CDK5RAP2: variants seen among roughly 807,000 people sequenced by gnomAD.
CDK5RAP2 encodes the protein CDK5 regulatory subunit associated protein 2.
CDK5RAP2 carries 147 observed loss-of-function variants against 232.9 expected under a neutral mutation model. The ratio of observed to expected loss-of-function variants is 0.63; its 90% CI spans 0.55 to 0.72. CDK5RAP2 has a LOEUF of 0.72. Among genes scored for constraint, CDK5RAP2 ranks in the 30% least tolerant of loss-of-function variants. CDK5RAP2 has a pLI of 0.00. For synonymous variants in CDK5RAP2, 833 were observed against 833.7 expected, an observed-to-expected ratio of 1.00 and a Z score of 0.01; for missense variants, 2,195 against 2,231.5, an observed-to-expected ratio of 0.98 and a Z score of 0.33.
At chr9:120,419,488 T>C (rs570828671) in intron 27 of CDK5RAP2, among the ~76,000 whole-genome samples, 1 of 152,302 alleles carries the variant, frequency 6.6e-6, no homozygotes, top group East Asian at 1.9e-4. Context: ...AATAGGAAAT[T>C]AACCAAATCT....
intron 3 of CDK5RAP2, among the ~76,000 whole-genome samples, chr9:120,561,945 A>G (rs886288416): frequency 1.3e-5 from 2 of 152,176 alleles, no homozygotes; most frequent in Admixed American, 1.3e-4. Context: ...CCAGGCTTGA[A>G]TTTTGCCTTC....
chr9:120,551,176 T>G (rs969898463), intron 3 of CDK5RAP2, among the ~76,000 whole-genome samples: 3 of 151,926 alleles, frequency 2.0e-5, no homozygotes, highest in African/African-American at 4.8e-5. Context: ...ACACTGATAA[T>G]AAGAAGAAAA....
chr9:120,525,492 G>A (rs946622469), intron 10 of CDK5RAP2, among the ~76,000 whole-genome samples: 2 of 152,020 alleles, frequency 1.3e-5, no homozygotes, highest in South Asian at 2.1e-4. Context: ...AGTTGGCCAT[G>A]AACAACCATG....
At chr9:120,411,312 G>A (rs763006589) in intron 29 of CDK5RAP2, 46 bp downstream of exon 29, 1 of 1,146,538 alleles carries the variant, frequency 8.7e-7, no homozygotes, top group Admixed American at 1.7e-5. Context: ...CCATGACACA[G>A]AAGGCTTTGG....
chr9:120,470,026 T>A, intron 17 of CDK5RAP2, 85 bp downstream of exon 17: 1 of 732,722 alleles, frequency 1.4e-6, no homozygotes, highest in Non-Finnish European at 2.4e-6. Context: ...GCCTTCAGAA[T>A]CTTAACCTCT....
At chr9:120,448,354 T>C (rs2036307724) in intron 21 of CDK5RAP2, among the ~76,000 whole-genome samples, 1 of 152,226 alleles carries the variant, frequency 6.6e-6, no homozygotes, top group Non-Finnish European at 1.5e-5. Context: ...CTCCTGGCCC[T>C]GGCCTATCGT....
In CDK5RAP2 at chr9:120,452,238, GTC is replaced by G. The variant is rs373806149; in HGVS notation, c.2793+1216_2793+1217del. Among the ~76,000 whole-genome samples, 1,134 of 141,922 alleles carry G rather than the reference GTC, an allele frequency of 8.0e-3. 1 individual carries two copies. Among genetic ancestry groups the G allele is most frequent in the Middle Eastern group, 0.011 (3 of 264 alleles). The allele number at this position is 141,922 out of a possible 152,430, so 93.1% of individuals were successfully genotyped here. A position where few individuals can be genotyped will look rare whatever the true frequency, so the allele number is the denominator to read the frequency against. ...TTCTAGTACCGTTAATATAATGGCAGTCTCTCTCTCTCTCTCTCTCTCTCTCT... is the reference window on the plus strand; with the variant it reads ...TTCTAGTACCGTTAATATAATGGCAGTCTCTCTCTCTCTCTCTCTCTCTCT... On this transcript the variant is annotated intron_variant, in intron 21 of 37. Transcript: ENST00000349780.
chr9:120,535,418 A>T (rs1028720251), intron 7 of CDK5RAP2, among the ~76,000 whole-genome samples: 1 of 152,260 alleles, frequency 6.6e-6, no homozygotes, highest in Non-Finnish European at 1.5e-5. Flanking sequence ...CCAAGCACCT[A>T]AACAACACAG....
chr9:120,392,978 T>C (rs1441161592), intron 36 of CDK5RAP2, among the ~76,000 whole-genome samples: 1 of 152,164 alleles, frequency 6.6e-6, no homozygotes, highest in African/African-American at 2.4e-5. Context: ...ACAAGGCTCC[T>C]TGCAACCTGG....
At chr9:120,420,035 T>G (rs1282629275) in intron 26 of CDK5RAP2, 75 bp from the exon 27 acceptor site, 2 of 1,174,686 alleles carry the variant, frequency 1.7e-6, no homozygotes, top group South Asian at 1.2e-5. Flanking sequence ...TTACGAATAC[T>G]TACGATTACT....
intron 12 of CDK5RAP2, among the ~76,000 whole-genome samples, chr9:120,497,421 T>TAAA (rs71385064): frequency 0.038 from 876 of 23,068 alleles, 52 homozygotes; most frequent in Middle Eastern, 0.062. Flanking sequence ...AAAATAAATT[T>TAAA]AAAAAAAAAA....
At chr9:120,392,732 C>T (rs909802734) in intron 36 of CDK5RAP2, among the ~76,000 whole-genome samples, 7 of 152,314 alleles carry the variant, frequency 4.6e-5, no homozygotes, top group South Asian at 2.1e-4. Flanking sequence ...ACGAGTGACA[C>T]GAAACCCTCA....
At chr9:120,414,117 T>C (rs895822818) in intron 28 of CDK5RAP2, among the ~76,000 whole-genome samples, 6 of 152,094 alleles carry the variant, frequency 3.9e-5, no homozygotes, top group Non-Finnish European at 7.3e-5. Flanking sequence ...AATAGTAAAA[T>C]AAAATTGATA....
At chr9:120,476,536 G>A (rs1218281794) in intron 15 of CDK5RAP2, among the ~76,000 whole-genome samples, 14 of 151,940 alleles carry the variant, frequency 9.2e-5, no homozygotes, top group African/African-American at 2.9e-4. Context: ...AAAATTAGCC[G>A]GGCGTGGTGG....
At chr9:120,483,332 C>G (rs1364150167) in intron 14 of CDK5RAP2, among the ~76,000 whole-genome samples, 1 of 152,246 alleles carries the variant, frequency 6.6e-6, no homozygotes, top group African/African-American at 2.4e-5. Context: ...TAAACTAGTA[C>G]AGTTCTCTCC....
intron 14 of CDK5RAP2, among the ~76,000 whole-genome samples, chr9:120,480,578 A>G (rs1564278787): frequency 3.9e-5 from 6 of 152,118 alleles, no homozygotes; most frequent in African/African-American, 1.4e-4. Flanking sequence ...CCATAGCATA[A>G]TTTTTTTATA....
At chr9:120,573,406 G>A (rs928286784) in intron 1 of CDK5RAP2, among the ~76,000 whole-genome samples, 8 of 151,934 alleles carry the variant, frequency 5.3e-5, no homozygotes, top group Non-Finnish European at 8.8e-5. Flanking sequence ...AAAATTAGCC[G>A]GGCATTGTGG....
At chr9:120,557,513 T>C (rs557214200) in intron 3 of CDK5RAP2, among the ~76,000 whole-genome samples, 15 of 152,212 alleles carry the variant, frequency 9.9e-5, no homozygotes, top group Middle Eastern at 3.4e-3. Context: ...CCCAACACTT[T>C]GGTAGGCAGA....
chr9:120,535,570 G>A (rs1297014415), intron 7 of CDK5RAP2, among the ~76,000 whole-genome samples: 1 of 152,208 alleles, frequency 6.6e-6, no homozygotes, highest in African/African-American at 2.4e-5. Context: ...TAGGTCACAG[G>A]TTAGCCAGCA....
Sources: allele counts gnomAD v4.1 joint callset (sites outside exome capture counted in the v4.1 genomes callset), GRCh38; gene constraint gnomAD v4.1.1; transcripts MANE v1.5; gene names NCBI Gene and HGNC (gene_info 2026-07-23, HGNC 2026-07-21).